The following MDFIC variants were observed in gnomAD, a reference collection of about 807,000 sequenced individuals.
The protein encoded by MDFIC is MyoD family inhibitor domain containing, also known as myoD family inhibitor domain-containing protein.
A neutral mutation model predicts 23.2 loss-of-function variants in MDFIC; 17 were observed. The observed-to-expected ratio is 0.73, with a 90% CI of 0.50 to 1.10. MDFIC has a LOEUF of 1.10. Among genes scored for constraint, MDFIC ranks in the 50% least tolerant of loss-of-function variants. MDFIC has a pLI of 0.00. For synonymous variants in MDFIC, 120 were observed against 115.2 expected, an observed-to-expected ratio of 1.04 and a Z score of -0.27; for missense variants, 356 against 316.6, an observed-to-expected ratio of 1.12 and a Z score of -0.95.
At chr7:114,955,426 A>T (rs1333383431) in intron 3 of MDFIC, among the ~76,000 whole-genome samples, 1 of 152,118 alleles carries the variant, frequency 6.6e-6, no homozygotes, top group African/African-American at 2.4e-5. Flanking sequence ...TTTCTGCCTC[A>T]TCTGGGACTG....
At chr7:114,965,483 A>C (rs190308647) in intron 3 of MDFIC, among the ~76,000 whole-genome samples, 14 of 152,284 alleles carry the variant, frequency 9.2e-5, no homozygotes, top group Admixed American at 9.2e-4. Context: ...AGGTTAGGAG[A>C]CCAAGATAAC....
chr7:114,948,653 T>G (rs543451259), intron 3 of MDFIC, among the ~76,000 whole-genome samples: 41 of 152,294 alleles, frequency 2.7e-4, no homozygotes, highest in South Asian at 2.1e-3. Flanking sequence ...TCTCATATTA[T>G]TCTCTGCCTT....
intron 3 of MDFIC, among the ~76,000 whole-genome samples, chr7:114,965,947 C>G (rs928243736): frequency 6.6e-6 from 1 of 152,024 alleles, no homozygotes. Flanking sequence ...AATAACACAC[C>G]GCCATGTAGT....
chr7:114,960,604 C>T (rs1470000540), intron 3 of MDFIC, among the ~76,000 whole-genome samples: 6 of 152,112 alleles, frequency 3.9e-5, no homozygotes, highest in Non-Finnish European at 7.4e-5. Context: ...TGAAAGATCT[C>T]AATCAGAAAA....
chr7:114,940,079 A>G (rs1792508406), intron 2 of MDFIC, among the ~76,000 whole-genome samples: 1 of 152,228 alleles, frequency 6.6e-6, no homozygotes, highest in African/African-American at 2.4e-5. Flanking sequence ...ATTTTAATTG[A>G]AACTAACATA....
chr7:114,974,488 G>T (rs1027855640), intron 3 of MDFIC, among the ~76,000 whole-genome samples: 1 of 152,000 alleles, frequency 6.6e-6, no homozygotes, highest in Non-Finnish European at 1.5e-5. Context: ...TACATCCTGA[G>T]CATTTAATTT....
chr7:114,970,419 G>A (rs1421958265), intron 3 of MDFIC, among the ~76,000 whole-genome samples: 1 of 152,118 alleles, frequency 6.6e-6, no homozygotes, highest in Non-Finnish European at 1.5e-5. Flanking sequence ...TGGCAGTAGA[G>A]GATTTCATTT....
intron 4 of MDFIC, among the ~76,000 whole-genome samples, chr7:114,991,161 C>T (rs1413522741): frequency 2.6e-5 from 4 of 151,948 alleles, no homozygotes; most frequent in African/African-American, 4.8e-5. Context: ...TGAGAAGTGT[C>T]TGTTCATCTC....
intron 4 of MDFIC, among the ~76,000 whole-genome samples, chr7:114,980,908 T>A (rs1451192538): frequency 6.6e-6 from 1 of 152,202 alleles, no homozygotes; most frequent in African/African-American, 2.4e-5. Context: ...CAAACTCAAC[T>A]GAGATAAAGT....
At chr7:114,976,012 A>G (rs2115941135) in intron 3 of MDFIC, among the ~76,000 whole-genome samples, 1 of 152,242 alleles carries the variant, frequency 6.6e-6, no homozygotes, top group East Asian at 1.9e-4. Context: ...AAAGATTGAA[A>G]TGTAGATAAA....
At chr7:114,971,444 G>T (rs564537651) in intron 3 of MDFIC, among the ~76,000 whole-genome samples, 1 of 152,252 alleles carries the variant, frequency 6.6e-6, no homozygotes, top group East Asian at 1.9e-4. Context: ...GGAGTAAAGG[G>T]ATCCAAAAGC....
intron 3 of MDFIC, among the ~76,000 whole-genome samples, chr7:114,952,337 G>A (rs1433018234): frequency 1.3e-5 from 2 of 152,144 alleles, no homozygotes; most frequent in South Asian, 2.1e-4. Context: ...TCAGTACAGC[G>A]TGTAGGGGTC....
At chr7:114,974,281 T>C (rs1179889403) in intron 3 of MDFIC, among the ~76,000 whole-genome samples, 1 of 90,048 alleles carries the variant, frequency 1.1e-5, no homozygotes, top group African/African-American at 4.2e-5. Flanking sequence ...TGCAAATAAT[T>C]GCATATATAT....
intron 3 of MDFIC, among the ~76,000 whole-genome samples, chr7:114,962,638 G>C (rs1230959155): frequency 2.0e-5 from 3 of 152,160 alleles, no homozygotes; most frequent in African/African-American, 2.4e-5. Context: ...GATATTACTA[G>C]AGGATGTGCA....
chr7:114,977,281 T>G (rs1337847086), intron 3 of MDFIC, among the ~76,000 whole-genome samples: 2 of 152,158 alleles, frequency 1.3e-5, no homozygotes, highest in Non-Finnish European at 2.9e-5. Context: ...TTGGCTAATT[T>G]AAATAGAAAA....
chr7:114,985,762 G>A (rs554035042), intron 4 of MDFIC, among the ~76,000 whole-genome samples: 1 of 151,500 alleles, frequency 6.6e-6, no homozygotes, highest in Admixed American at 6.6e-5. Context: ...AATTATTAGA[G>A]AAGATACTAG....
chr7:115,012,418 A>T (rs1184509941), intron 4 of MDFIC, among the ~76,000 whole-genome samples: 1 of 152,202 alleles, frequency 6.6e-6, no homozygotes, highest in Non-Finnish European at 1.5e-5. Flanking sequence ...TTAAATTGTG[A>T]CAGTTTCAAA....
intron 2 of MDFIC, among the ~76,000 whole-genome samples, chr7:114,931,741 G>T (rs1023436868): frequency 6.6e-6 from 1 of 152,182 alleles, no homozygotes; most frequent in Non-Finnish European, 1.5e-5. Flanking sequence ...ATGGCGAGAA[G>T]GAATCAGTTT....
chr7:114,997,195 C>T (rs907283886), intron 4 of MDFIC, among the ~76,000 whole-genome samples: 1 of 152,016 alleles, frequency 6.6e-6, no homozygotes, highest in Non-Finnish European at 1.5e-5. Flanking sequence ...ATTACTCTAC[C>T]AAGGAGTTTT....
Sources: gnomAD v4.1 joint callset for allele counts (sites outside exome capture counted in the v4.1 genomes callset) on GRCh38, gnomAD v4.1.1 for gene constraint, MANE v1.5 for transcripts, NCBI Gene and HGNC (gene_info 2026-07-23, HGNC 2026-07-21) for gene names.